The following MAP2K5 variants were observed in gnomAD, a reference collection of about 807,000 sequenced individuals.
The protein encoded by MAP2K5 is dual specificity mitogen-activated protein kinase kinase 5.
MAP2K5 carries 49 observed loss-of-function variants against 83.1 expected under a neutral mutation model. The observed-to-expected ratio is 0.59, with a 90% CI of 0.47 to 0.75. MAP2K5 has a LOEUF of 0.75. Ranked by LOEUF, MAP2K5 falls within the 30% of genes least tolerant of loss-of-function variation. The pLI, the probability that MAP2K5 is intolerant of heterozygous loss-of-function variation, is 0.00. For synonymous variants in MAP2K5, 202 were observed against 191.8 expected, an observed-to-expected ratio of 1.05 and a Z score of -0.44; for missense variants, 457 against 557.5, an observed-to-expected ratio of 0.82 and a Z score of 1.82.
chr15:67,627,891 G>C (rs996936197), intron 8 of MAP2K5: 37 of 695,922 alleles, frequency 5.3e-5, no homozygotes, highest in Non-Finnish European at 1.5e-5. Flanking sequence ...GAACAGCTGA[G>C]GAAGCTCTTC....
chr15:67,626,722 G>T (rs1371279685), intron 8 of MAP2K5, among the ~76,000 whole-genome samples: 1 of 150,740 alleles, frequency 6.6e-6, no homozygotes, highest in Non-Finnish European at 1.5e-5. Flanking sequence ...AACATGGCAA[G>T]ACTTCATCTC....
intron 11 of MAP2K5, among the ~76,000 whole-genome samples, chr15:67,647,651 C>T (rs747865280): frequency 3.3e-5 from 5 of 151,912 alleles, no homozygotes; most frequent in African/African-American, 1.2e-4. Flanking sequence ...TTTGGGAGGC[C>T]GAGGCAAGCG....
At chr15:67,624,773 G>T (rs928179046) in intron 8 of MAP2K5, among the ~76,000 whole-genome samples, 26 of 140,334 alleles carry the variant, frequency 1.9e-4, no homozygotes, top group Admixed American at 2.3e-4. Flanking sequence ...GGGATTACAG[G>T]CATCCGCCAC....
Position 67,640,156 on chromosome 15 carries a change from G to T in MAP2K5, c.586-6075G>T, listed in dbSNP as rs1385609418. On this transcript the variant is annotated intron_variant, in intron 9 of 21. Coordinates refer to ENST00000178640, the MANE Select transcript of MAP2K5 (RefSeq NM_145160.3). This position sits in a 1 kb window ranked among gnomAD's most constrained non-coding sequence, Gnocchi z 4.6. ...TGATTCCTGCAGATCCTTGCATATAGGGTATAGTACAAAGCATTACACATA... is the reference window on the plus strand; with the variant it reads ...TGATTCCTGCAGATCCTTGCATATATGGTATAGTACAAAGCATTACACATA... Among the ~76,000 whole-genome samples the T allele has an allele frequency of 6.6e-6, 1 of 152,152 alleles. No individual in the cohort carries two copies. Among genetic ancestry groups the T allele is most frequent in the Non-Finnish European group, 1.5e-5 (1 of 68,038 alleles).
intron 4 of MAP2K5, among the ~76,000 whole-genome samples, chr15:67,583,364 A>G (rs1319877987): frequency 6.6e-6 from 1 of 152,170 alleles, no homozygotes; most frequent in African/African-American, 2.4e-5. Flanking sequence ...TGTCATTGTC[A>G]TATGTAGTCT....
At chr15:67,666,492 G>A (rs575541536) in intron 13 of MAP2K5, among the ~76,000 whole-genome samples, 2 of 152,210 alleles carry the variant, frequency 1.3e-5, no homozygotes, top group African/African-American at 4.8e-5. Flanking sequence ...AATGTCTAGG[G>A]TCAGATTCTC....
Position 67,640,933 on chromosome 15 carries a change from A to T in MAP2K5, c.586-5298A>T, listed in dbSNP as rs557577907. Among the ~76,000 whole-genome samples the T allele has an allele frequency of 1.4e-4, 22 of 152,344 alleles. No individual in the cohort carries two copies. The South Asian group carries it at 4.3e-3, about 30-fold the overall frequency. On this transcript the variant is annotated intron_variant, in intron 9 of 21. Coordinates refer to ENST00000178640, the MANE Select transcript of MAP2K5 (RefSeq NM_145160.3). The surrounding 1 kb of genome is among the most constrained non-coding windows in gnomAD (Gnocchi z 4.6). Reference sequence around the variant, plus strand: ...GAAAATGATGCTAATCACATTTTAAAGATAACTATTTCATAATGACCATGT... The same window carrying T: ...GAAAATGATGCTAATCACATTTTAATGATAACTATTTCATAATGACCATGT...
At chr15:67,605,898 A>G (rs1279081570) in intron 8 of MAP2K5, among the ~76,000 whole-genome samples, 1 of 152,230 alleles carries the variant, frequency 6.6e-6, no homozygotes, top group African/African-American at 2.4e-5. Flanking sequence ...GTTGTAGAAC[A>G]TTCACCTAGA....
In MAP2K5 at chr15:67,555,595, A is replaced by G. The variant is rs2084608162; in HGVS notation, c.184+5513A>G. The stretch of plus-strand genomic sequence containing the variant: ...GCTCACCAAAAGGTAGAACCAATCT[A>G]CACTCACACCAACAAGGTATGAGAA... On this transcript the variant is annotated intron_variant, in intron 2 of 21. Transcript: ENST00000178640. The surrounding 1 kb of genome is among the most constrained non-coding windows in gnomAD (Gnocchi z 5.2). Among the ~76,000 whole-genome samples, 2 of 152,212 alleles carry G rather than the reference A, an allele frequency of 1.3e-5. No individual in the cohort carries two copies. Among genetic ancestry groups the G allele is most frequent in the South Asian group, 2.1e-4 (1 of 4,834 alleles).
At chr15:67,787,802 A>G (rs2090444831) in intron 21 of MAP2K5, among the ~76,000 whole-genome samples, 1 of 152,246 alleles carries the variant, frequency 6.6e-6, no homozygotes, top group Non-Finnish European at 1.5e-5. Context: ...TCTAAATCAC[A>G]TGTTGACCTA....
rs188679358 is a variant in MAP2K5 at position 67,725,759 on chromosome 15, G to A, written c.1045-2157G>A. Among the ~76,000 whole-genome samples, 829 of 152,288 alleles carry A rather than the reference G, an allele frequency of 5.4e-3. 12 individuals are homozygous for A. The highest frequency in any genetic ancestry group is 0.019 in the African/African-American group (780 of 41,552). ...TCACTGTGATACCTGTTAAGACACT[G>A]CAGACTGTTGCAAATGCCTAGTTCA... On this transcript the variant is annotated intron_variant, in intron 16 of 21. Coordinates refer to ENST00000178640, the MANE Select transcript of MAP2K5 (RefSeq NM_145160.3).
chr15:67,685,082 G>A (rs1031040608), intron 13 of MAP2K5, among the ~76,000 whole-genome samples: 6 of 152,166 alleles, frequency 3.9e-5, no homozygotes, highest in Non-Finnish European at 4.4e-5. Context: ...GGTGAAGCCT[G>A]TAAGTCCACA....
intron 19 of MAP2K5, among the ~76,000 whole-genome samples, chr15:67,759,602 C>A (rs1403001287): frequency 1.3e-5 from 2 of 151,644 alleles, no homozygotes; most frequent in African/African-American, 4.8e-5. Flanking sequence ...GATTAACCAA[C>A]TTCAGAGGAA....
Position 67,565,189 on chromosome 15 carries a change from C to A in MAP2K5, c.252+1839C>A, listed in dbSNP as rs189250505. On this transcript the variant is annotated intron_variant, in intron 3 of 21. Coordinates refer to ENST00000178640, the MANE Select transcript of MAP2K5 (RefSeq NM_145160.3). The surrounding 1 kb of genome is among the most constrained non-coding windows in gnomAD (Gnocchi z 4.1). ...TTACTGTTTTACACTGTCTCTCCCC[C>A]ACCTTCCTCTTTGCAGGATTTTTTT... 3.3e-5 allele frequency among the ~76,000 whole-genome samples: 5 copies of A among 152,128 alleles called. No homozygotes were observed. Among genetic ancestry groups the A allele is most frequent in the Non-Finnish European group, 7.4e-5 (5 of 68,008 alleles).
In MAP2K5 at chr15:67,736,679, G is replaced by C. The variant is rs1319014703; in HGVS notation, c.1074+8734G>C. On this transcript the variant is annotated intron_variant, in intron 17 of 21. Coordinates refer to ENST00000178640, the MANE Select transcript of MAP2K5 (RefSeq NM_145160.3). The surrounding 1 kb of genome is among the most constrained non-coding windows in gnomAD (Gnocchi z 4.3). Reference sequence around the variant, plus strand: ...ACAGAATCTCGTCATTTTTAGTTCAGTTACTGGGGACCATGATTCCCTTAC... The same window carrying C: ...ACAGAATCTCGTCATTTTTAGTTCACTTACTGGGGACCATGATTCCCTTAC... Among the ~76,000 whole-genome samples, 1 of 152,132 alleles carries C rather than the reference G, an allele frequency of 6.6e-6. No individual in the cohort carries two copies. The highest frequency in any genetic ancestry group is 1.5e-5 in the Non-Finnish European group (1 of 68,022).
At chr15:67,546,678 G>A in intron 1 of MAP2K5, 2 of 911,490 alleles carry the variant, frequency 2.2e-6, no homozygotes, top group Non-Finnish European at 1.3e-6. Context: ...CTATACAAGA[G>A]GTCTGGTTAG....
Position 67,769,611 on chromosome 15 carries a change from G to A in MAP2K5, c.1144G>A (p.Val382Ile), listed in dbSNP as rs748584528. The change falls in exon 20 of 22, where the codon GTC (valine) becomes ATC (isoleucine). Residue 382 changes from valine (V) to isoleucine (I), a missense_variant. Physicochemically the swap from Val to Ile is conservative, Grantham distance 29 (BLOSUM62 3). Transcript: ENST00000178640. The surrounding 1 kb of genome is among the most constrained non-coding windows in gnomAD (Gnocchi z 5.2). The part of the protein sequence containing the change: ...LQCIVDEDSP[V>I]LPVGEFSEPF... ...TTTTCCTCCATCACAGGATTCGCCC[G>A]TCCTTCCAGTTGGAGAGTTCTCGGA... 2.7e-5 allele frequency: 43 copies of A among 1,613,586 alleles called. No homozygotes were observed. The highest frequency in any genetic ancestry group is 6.7e-5 in the African/African-American group (5 of 74,880).
chr15:67,805,957 G>A (rs940608251), intron 21 of MAP2K5, among the ~76,000 whole-genome samples: 23 of 152,154 alleles, frequency 1.5e-4, no homozygotes, highest in African/African-American at 4.6e-4. Flanking sequence ...AAGAGAACTG[G>A]CTAAATAGAA....
intron 21 of MAP2K5, 23 bp downstream of exon 21, chr15:67,772,775 A>G: frequency 6.3e-7 from 1 of 1,575,376 alleles, no homozygotes. Context: ...TTTTAGTTAC[A>G]TTAGAATTCT....
Sources: allele counts gnomAD v4.1 joint callset (sites outside exome capture counted in the v4.1 genomes callset), GRCh38; gene constraint gnomAD v4.1.1; non-coding constraint Gnocchi (gnomAD v3.1); transcripts MANE v1.5; gene names NCBI Gene and HGNC (gene_info 2026-07-23, HGNC 2026-07-21).